Variants in ARHGAP31 observed in about 807,000 individuals in gnomAD.
ARHGAP31 encodes the protein Rho GTPase activating protein 31, also known as rho GTPase-activating protein 31.
In ARHGAP31, 34 loss-of-function variants were observed where a neutral mutation model predicts 113.9. The ratio of observed to expected loss-of-function variants is 0.30; its 90% CI spans 0.23 to 0.40. ARHGAP31 has a LOEUF of 0.40. Ranked by LOEUF, ARHGAP31 falls within the 10% of genes least tolerant of loss-of-function variation. ARHGAP31 has a pLI of 1.00. For missense variants in ARHGAP31, 1,548 were observed against 1,767.1 expected (o/e 0.88, Z 2.22); for synonymous variants, 650 against 684.8 (o/e 0.95, Z 0.79).
chr3:119,391,589 A>ACCCCCCCCCCCCCCCCCCCCCCC (rs368549202), intron 7 of ARHGAP31, among the ~76,000 whole-genome samples: 20 of 103,742 alleles, frequency 1.9e-4, no homozygotes, highest in East Asian at 8.3e-4. Flanking sequence ...CTGGGTCTCT[A>ACCCCCCCCCCCCCCCCCCCCCCC]CCCCCCCCTC....
rs541827684 is a variant in ARHGAP31, at chr3:119,414,378, C to A, written c.2449C>A (p.Leu817Ile). 1.2e-6 allele frequency: 2 copies of A among 1,614,190 alleles called. No individual in the cohort carries two copies. The highest frequency in any genetic ancestry group is 3.3e-5 in the Admixed American group (2 of 60,030). ...EDSSRKLRTD[L>I]YIDQLKSQDS... is the part of the protein sequence containing the mutation. ...CTCATCCAGGAAATTGAGGACAGAT[C>A]TCTACATAGACCAGCTGAAGTCCCA... Residue 817 changes from leucine (L) to isoleucine (I), a missense_variant, in exon 12 of 12, where the codon CTC becomes ATC. Physicochemically the swap from Leu to Ile is conservative, Grantham distance 5. Coordinates refer to ENST00000264245, the MANE Select transcript of ARHGAP31 (RefSeq NM_020754.4).
At chr3:119,409,069 A>G (rs1415809024) in intron 10 of ARHGAP31, among the ~76,000 whole-genome samples, 1 of 152,126 alleles carries the variant, frequency 6.6e-6, no homozygotes, top group East Asian at 1.9e-4. Flanking sequence ...GACATTTTAG[A>G]CTGGATAAGT....
At chr3:119,315,220 T>C (rs2079719182) in intron 1 of ARHGAP31, among the ~76,000 whole-genome samples, 3 of 152,248 alleles carry the variant, frequency 2.0e-5, no homozygotes, top group Non-Finnish European at 4.4e-5. Context: ...TGTATAATAA[T>C]GTTTATAGTT....
intron 1 of ARHGAP31, among the ~76,000 whole-genome samples, chr3:119,358,894 A>G (rs1319803001): frequency 6.6e-6 from 1 of 152,224 alleles, no homozygotes; most frequent in African/African-American, 2.4e-5. Context: ...TGAGAGATGA[A>G]AATGTTCTGG....
chr3:119,397,153 C>T (rs1043237308), intron 8 of ARHGAP31, among the ~76,000 whole-genome samples: 2 of 152,142 alleles, frequency 1.3e-5, no homozygotes, highest in African/African-American at 4.8e-5. Flanking sequence ...AGTCATAGGC[C>T]ACAGGAGCCT....
At position 119,312,053 on chromosome 3, in the gene ARHGAP31, T is replaced by C. The variant is rs996245499; in HGVS notation, c.100+17049T>C. On this transcript the variant is annotated intron_variant, in intron 1 of 11. Coordinates refer to ENST00000264245, the MANE Select transcript of ARHGAP31 (RefSeq NM_020754.4). ...CTCTCTGTTTACAGGAACCAATGGC[T>C]ACTTGAGTGACCATTTTAAATCTTC... is the stretch of plus-strand genomic sequence containing the variant. 1.1e-4 allele frequency among the ~76,000 whole-genome samples: 17 copies of C among 152,248 alleles called. 1 individual carries two copies. The highest frequency in any genetic ancestry group is 1.5e-5 in the Non-Finnish European group (1 of 68,040).
In ARHGAP31 at chr3:119,409,787, T is replaced by C. The variant is rs1463138; in HGVS notation, c.1926+11T>C. ...CTTCTCCATGAGATGGTAAAGTGCA[T>C]TCTCCACCTGCTCCAGCCAGGTGGA... On this transcript the variant is annotated intron_variant, in intron 11 of 11. Coordinates refer to ENST00000264245, the MANE Select transcript of ARHGAP31 (RefSeq NM_020754.4). The C allele has an allele frequency of 0.53, 837,218 of 1,589,438 alleles. 222,622 individuals carry two copies. Among genetic ancestry groups the C allele is most frequent in the South Asian group, 0.59 (51,603 of 87,966 alleles).
intron 1 of ARHGAP31, among the ~76,000 whole-genome samples, chr3:119,340,774 G>A (rs984203978): frequency 3.9e-5 from 6 of 152,218 alleles, no homozygotes; most frequent in East Asian, 3.9e-4. Flanking sequence ...GTCTCTTTCC[G>A]GAGTGATTTA....
At chr3:119,326,975 G>A (rs1377221302) in intron 1 of ARHGAP31, among the ~76,000 whole-genome samples, 3 of 151,546 alleles carry the variant, frequency 2.0e-5, no homozygotes, top group Non-Finnish European at 4.4e-5. Context: ...CTGTCTCTAC[G>A]GAAAATACAC....
intron 6 of ARHGAP31, among the ~76,000 whole-genome samples, chr3:119,386,207 G>T (rs2080446636): frequency 6.6e-6 from 1 of 152,208 alleles, no homozygotes; most frequent in South Asian, 2.1e-4. Context: ...TTTGGACAGA[G>T]TTCTGCTTCA....
chr3:119,314,306 GAA>G (rs1436829631), intron 1 of ARHGAP31: 1 of 152,216 alleles, frequency 6.6e-6, no homozygotes, highest in African/African-American at 2.4e-5. Flanking sequence ...GTCCTCCAGA[GAA>G]AAAGTTAGGT....
chr3:119,408,000 A>G (rs1301419966), intron 10 of ARHGAP31, among the ~76,000 whole-genome samples: 2 of 152,262 alleles, frequency 1.3e-5, no homozygotes, highest in Non-Finnish European at 2.9e-5. Context: ...AGCTATTTGC[A>G]TGGCATTTAC....
chr3:119,355,391 G>A (rs2080146039), intron 1 of ARHGAP31, among the ~76,000 whole-genome samples: 1 of 151,496 alleles, frequency 6.6e-6, no homozygotes, highest in African/African-American at 2.4e-5. Flanking sequence ...AATCCAGATA[G>A]CAAAGGAGCC....
intron 3 of ARHGAP31, among the ~76,000 whole-genome samples, chr3:119,372,015 G>A (rs1254840742): frequency 1.3e-5 from 2 of 152,128 alleles, no homozygotes; most frequent in Non-Finnish European, 2.9e-5. Context: ...GCCATTGATG[G>A]GCATTTAGGT....
intron 9 of ARHGAP31, 24 bp from the exon 10 acceptor site, chr3:119,401,798 C>T (rs2080610488): frequency 6.2e-7 from 1 of 1,611,726 alleles, no homozygotes; most frequent in Admixed American, 1.7e-5. Context: ...GGCTGCTGAC[C>T]ATACACTTGT....
Position 119,413,862 on chromosome 3 carries a change from G to A in ARHGAP31, c.1933G>A (p.Asp645Asn), listed in dbSNP as rs2107646551. The change falls in exon 12 of 12, where the codon GAT becomes AAT. Residue 645 changes from aspartate (D) to asparagine (N), a missense_variant. Coordinates refer to ENST00000264245, the MANE Select transcript of ARHGAP31 (RefSeq NM_020754.4). ...GTTTATTGATGTTTTTCAGGATGAA[G>A]ATGATCTGGCCAATGCCCTGATCTG... is the stretch of plus-strand genomic sequence containing the variant. ...EAVLLHEMDEDDLANALIWPE... is the reference protein window; with the variant it reads ...EAVLLHEMDENDLANALIWPE... The A allele has an allele frequency of 6.2e-7, 1 of 1,614,220 alleles. No homozygotes were observed. The highest frequency in any genetic ancestry group is 1.3e-5 in the African/African-American group (1 of 75,042).
intron 8 of ARHGAP31, among the ~76,000 whole-genome samples, chr3:119,394,622 A>C (rs1416282972): frequency 6.6e-6 from 1 of 152,134 alleles, no homozygotes; most frequent in Non-Finnish European, 1.5e-5. Flanking sequence ...TGCAGTGAGC[A>C]AACTTTGACT....
At chr3:119,380,382 A>G (rs528740740) in intron 3 of ARHGAP31, among the ~76,000 whole-genome samples, 1 of 147,540 alleles carries the variant, frequency 6.8e-6, no homozygotes, top group African/African-American at 2.5e-5. Flanking sequence ...TTATTTATTT[A>G]CTTGCTTGTT....
chr3:119,306,538 C>T (rs578215194), intron 1 of ARHGAP31, among the ~76,000 whole-genome samples: 29 of 152,168 alleles, frequency 1.9e-4, no homozygotes, highest in Non-Finnish European at 2.9e-4. Flanking sequence ...GCCTGGGGGA[C>T]GGTGTGAGAC....
Sources: allele counts gnomAD v4.1 joint callset (sites outside exome capture counted in the v4.1 genomes callset), GRCh38; gene constraint gnomAD v4.1.1; transcripts MANE v1.5; gene names NCBI Gene and HGNC (gene_info 2026-07-23, HGNC 2026-07-21).